The following KCNK13 variants were observed in gnomAD, a reference collection of about 807,000 sequenced individuals.
KCNK13 encodes potassium channel subfamily K member 13.
A neutral mutation model predicts 23.4 loss-of-function variants in KCNK13; 12 were observed. That is an observed-to-expected ratio of 0.51 (90% CI 0.33 to 0.83). KCNK13 has a LOEUF of 0.83. KCNK13 is among the 40% of genes least tolerant of loss of function. The pLI, the probability that KCNK13 is intolerant of heterozygous loss-of-function variation, is 0.02. For synonymous variants in KCNK13, 231 were observed against 229.5 expected, an observed-to-expected ratio of 1.01 and a Z score of -0.06; for missense variants, 463 against 556.3, an observed-to-expected ratio of 0.83 and a Z score of 1.69.
chr14:90,135,936 C>G (rs888880003), intron 1 of KCNK13, among the ~76,000 whole-genome samples: 7 of 151,988 alleles, frequency 4.6e-5, no homozygotes, highest in African/African-American at 1.7e-4. Flanking sequence ...GTCATCACTT[C>G]TCGGGCATAA....
intron 1 of KCNK13, among the ~76,000 whole-genome samples, chr14:90,174,326 T>A (rs1007060780): frequency 1.3e-5 from 2 of 151,724 alleles, no homozygotes; most frequent in African/African-American, 4.8e-5. Flanking sequence ...CAATAAAAAA[T>A]AAATAAATAA....
intron 1 of KCNK13, among the ~76,000 whole-genome samples, chr14:90,159,730 G>A (rs1176679414): frequency 1.3e-5 from 2 of 152,202 alleles, no homozygotes; most frequent in Admixed American, 1.3e-4. Flanking sequence ...GGGTGGTACT[G>A]TTAGTATCCT....
intron 1 of KCNK13, among the ~76,000 whole-genome samples, chr14:90,127,113 C>T (rs1427349674): frequency 2.6e-5 from 4 of 152,106 alleles, no homozygotes; most frequent in South Asian, 2.1e-4. Context: ...TTAGTTGCAA[C>T]GAATGTACCA....
intron 1 of KCNK13, among the ~76,000 whole-genome samples, chr14:90,147,106 GTGCTGCC>G: frequency 6.6e-6 from 1 of 152,238 alleles, no homozygotes; most frequent in Admixed American, 6.5e-5. Context: ...GCATTTCTAT[GTGCTGCC>G]TGCTGTCTGT....
chr14:90,086,357 A>C (rs1021884266), intron 1 of KCNK13, among the ~76,000 whole-genome samples: 2 of 152,186 alleles, frequency 1.3e-5, no homozygotes, highest in African/African-American at 4.8e-5. Context: ...AGAAAACTGA[A>C]GCACAGAGGT....
chr14:90,150,200 G>A (rs956930111), intron 1 of KCNK13, among the ~76,000 whole-genome samples: 10 of 152,216 alleles, frequency 6.6e-5, no homozygotes, highest in Admixed American at 3.3e-4. Flanking sequence ...ATCTCAGGCC[G>A]AGGTACAGAA....
chr14:90,094,053 G>A (rs1889379729), intron 1 of KCNK13, among the ~76,000 whole-genome samples: 1 of 152,114 alleles, frequency 6.6e-6, no homozygotes. Context: ...AGAAGGGTGA[G>A]ACAGACATCT....
intron 1 of KCNK13, among the ~76,000 whole-genome samples, chr14:90,175,493 CA>C (rs1426021011): frequency 6.6e-6 from 1 of 152,172 alleles, no homozygotes; most frequent in African/African-American, 2.4e-5. Context: ...GCTTGATTTA[CA>C]AGTTGAACCT....
At chr14:90,071,112 A>G (rs1370273742) in intron 1 of KCNK13, among the ~76,000 whole-genome samples, 1 of 152,190 alleles carries the variant, frequency 6.6e-6, no homozygotes, top group Non-Finnish European at 1.5e-5. Context: ...ATAAAATAGA[A>G]TGGCTTCCTT....
intron 1 of KCNK13, among the ~76,000 whole-genome samples, chr14:90,082,131 AGCTCACT>A (rs1200423399): frequency 6.6e-6 from 1 of 152,146 alleles, no homozygotes; most frequent in Non-Finnish European, 1.5e-5. Flanking sequence ...GCATGATCTC[AGCTCACT>A]GCAACCTCTG....
intron 1 of KCNK13, among the ~76,000 whole-genome samples, chr14:90,163,229 C>CA (rs1890269464): frequency 6.6e-6 from 1 of 152,170 alleles, no homozygotes; most frequent in Admixed American, 6.5e-5. Context: ...AGGAACATTC[C>CA]AGATGCAGGT....
intron 1 of KCNK13, among the ~76,000 whole-genome samples, chr14:90,071,942 G>A (rs1343720183): frequency 6.6e-6 from 1 of 151,878 alleles, no homozygotes; most frequent in East Asian, 1.9e-4. Context: ...GGAAGATGGT[G>A]ATCATTAATT....
intron 1 of KCNK13, among the ~76,000 whole-genome samples, chr14:90,096,971 C>A (rs1889417536): frequency 6.6e-6 from 1 of 152,130 alleles, no homozygotes; most frequent in Admixed American, 6.6e-5. Flanking sequence ...AGGTGTTTAT[C>A]CCTTGTCCAC....
At chr14:90,170,933 T>C (rs1013834949) in intron 1 of KCNK13, among the ~76,000 whole-genome samples, 2 of 152,136 alleles carry the variant, frequency 1.3e-5, no homozygotes, top group African/African-American at 4.8e-5. Flanking sequence ...GTGGGCAAAA[T>C]ATGGGGGAGG....
At chr14:90,076,121 C>T (rs1337158047) in intron 1 of KCNK13, among the ~76,000 whole-genome samples, 1 of 152,236 alleles carries the variant, frequency 6.6e-6, no homozygotes, top group Non-Finnish European at 1.5e-5. Context: ...TCTCAAGGTA[C>T]TAGTGTTCCT....
intron 1 of KCNK13, among the ~76,000 whole-genome samples, chr14:90,151,345 A>G (rs1037179264): frequency 6.6e-6 from 1 of 152,160 alleles, no homozygotes; most frequent in African/African-American, 2.4e-5. Flanking sequence ...TTGTGAGGTA[A>G]TATCTCACTG....
Position 90,094,340 on chromosome 14 carries a change from A to T in KCNK13, c.334+31801A>T, listed in dbSNP as rs117656796. On this transcript the variant is annotated intron_variant, in intron 1 of 1. Transcript: ENST00000282146. ...TATGAGCCAGCCATAACACTTGTCT[A>T]GTGTTTGCTCAATTGAATTTTCACC... 9.1e-3 allele frequency among the ~76,000 whole-genome samples: 1,379 copies of T among 152,308 alleles called. 12 individuals carry two copies. The highest frequency in any genetic ancestry group is 0.017 in the Admixed American group (260 of 15,296).
intron 1 of KCNK13, among the ~76,000 whole-genome samples, chr14:90,093,820 G>A (rs144763261): frequency 6.6e-6 from 1 of 152,262 alleles, no homozygotes; most frequent in East Asian, 1.9e-4. Context: ...CTCATTCCTG[G>A]AACTCTGGAA....
intron 1 of KCNK13, among the ~76,000 whole-genome samples, chr14:90,166,670 C>T (rs1234702192): frequency 6.6e-6 from 1 of 150,762 alleles, no homozygotes; most frequent in Non-Finnish European, 1.5e-5. Context: ...CACACCACTG[C>T]ACCCTAGTCT....
Sources: allele counts gnomAD v4.1 joint callset (sites outside exome capture counted in the v4.1 genomes callset), GRCh38; gene constraint gnomAD v4.1.1; transcripts MANE v1.5; gene names NCBI Gene and HGNC (gene_info 2026-07-23, HGNC 2026-07-21).